EVL: variants seen among roughly 807,000 people sequenced by gnomAD.
EVL encodes the protein Enah/Vasp-like.
EVL carries 21 observed loss-of-function variants against 59.6 expected under a neutral mutation model. The observed-to-expected ratio is 0.35, with a 90% CI of 0.25 to 0.51. The LOEUF (loss-of-function observed/expected upper bound fraction) is 0.51. EVL is among the 20% of genes least tolerant of loss of function. The pLI, the probability that EVL is intolerant of heterozygous loss-of-function variation, is 0.97. For synonymous variants in EVL, 198 were observed against 203.5 expected (o/e 0.97, Z 0.23); for missense variants, 462 against 546.6 (o/e 0.85, Z 1.54).
chr14:100,097,203 AAACCAGAGCCAGGG>A, intron 2 of EVL, among the ~76,000 whole-genome samples: 1 of 152,360 alleles, frequency 6.6e-6, no homozygotes, highest in East Asian at 1.9e-4. Flanking sequence ...AGGCAGGGCC[AAACCAGAGCCAGGG>A]AACCTGCCTC....
chr14:100,079,513 G>A (rs1332744185), intron 1 of EVL, among the ~76,000 whole-genome samples: 2 of 152,190 alleles, frequency 1.3e-5, no homozygotes, highest in East Asian at 1.9e-4. Context: ...ACTGAAAAGC[G>A]CTCTGGCAGA....
intron 1 of EVL, among the ~76,000 whole-genome samples, chr14:99,991,184 T>C (rs1045957488): frequency 5.9e-5 from 9 of 152,200 alleles, no homozygotes; most frequent in African/African-American, 1.7e-4. Context: ...ACTTAGTGAA[T>C]AGTAAATATA....
chr14:100,085,890 G>A (rs997566765), intron 2 of EVL, among the ~76,000 whole-genome samples: 1 of 152,210 alleles, frequency 6.6e-6, no homozygotes, highest in Non-Finnish European at 1.5e-5. Context: ...CACTTTGGGA[G>A]GCCAAGGCGG....
intron 1 of EVL, among the ~76,000 whole-genome samples, chr14:99,993,183 G>C (rs942785128): frequency 6.7e-6 from 1 of 150,158 alleles, no homozygotes; most frequent in South Asian, 2.1e-4. Flanking sequence ...TCAGCCTCCT[G>C]AGTAGCTGGG....
At chr14:100,057,909 C>G (rs1348678729) in intron 1 of EVL, among the ~76,000 whole-genome samples, 1 of 152,172 alleles carries the variant, frequency 6.6e-6, no homozygotes, top group Non-Finnish European at 1.5e-5. Context: ...TTTCTCTGTC[C>G]TCCTTTTCTC....
At chr14:100,126,398 G>A (rs868152242) in intron 4 of EVL, among the ~76,000 whole-genome samples, 14 of 152,210 alleles carry the variant, frequency 9.2e-5, no homozygotes, top group African/African-American at 3.4e-4. Flanking sequence ...CAAAAGCCAG[G>A]TGCGCCCATC....
intron 2 of EVL, among the ~76,000 whole-genome samples, chr14:100,094,512 C>T (rs549485821): frequency 4.6e-5 from 7 of 151,728 alleles, no homozygotes; most frequent in Non-Finnish European, 1.0e-4. Flanking sequence ...GAGGCCAAGG[C>T]GGGAGCATTA....
In EVL at chr14:100,127,871, T is replaced by G. The variant is rs1419491122; in HGVS notation, c.488-648T>G. ...CATCTGCGTTTACCTCTGCGATTCG[T>G]TGACTGTTCCTCATAGGCTGTGAGC... On this transcript the variant is annotated intron_variant, in intron 5 of 13. Transcript: ENST00000392920. The surrounding 1 kb of genome is among the most constrained non-coding windows in gnomAD (Gnocchi z 4.2). Among the ~76,000 whole-genome samples, 1 of 152,240 alleles carries G rather than the reference T, an allele frequency of 6.6e-6. No individual in the cohort carries two copies. The highest frequency in any genetic ancestry group is 2.4e-5 in the African/African-American group (1 of 41,458).
chr14:100,010,404 TTTTG>T (rs1355505881), intron 1 of EVL, among the ~76,000 whole-genome samples: 7 of 151,950 alleles, frequency 4.6e-5, no homozygotes, highest in Non-Finnish European at 7.4e-5. Flanking sequence ...TGTGGGTTGG[TTTTG>T]TTTGTTTGTT....
intron 1 of EVL, among the ~76,000 whole-genome samples, chr14:100,022,150 A>C (rs2061136039): frequency 6.6e-6 from 1 of 152,100 alleles, no homozygotes; most frequent in African/African-American, 2.4e-5. Flanking sequence ...ATGAATATAA[A>C]GGGGGAAGCA....
chr14:100,091,529 G>A (rs1278814831), intron 2 of EVL, among the ~76,000 whole-genome samples: 1 of 152,208 alleles, frequency 6.6e-6, no homozygotes, highest in Non-Finnish European at 1.5e-5. Flanking sequence ...CTGACCTGGT[G>A]GAGGTTCCTG....
intron 1 of EVL, among the ~76,000 whole-genome samples, chr14:100,021,637 G>T (rs542320650): frequency 6.6e-6 from 1 of 152,292 alleles, no homozygotes; most frequent in South Asian, 2.1e-4. Flanking sequence ...AACTCAGATT[G>T]CTGGACCCCA....
At chr14:100,132,324 G>A (rs980114589) in intron 7 of EVL, among the ~76,000 whole-genome samples, 1 of 151,526 alleles carries the variant, frequency 6.6e-6, no homozygotes, top group Non-Finnish European at 1.5e-5. Flanking sequence ...CCAGTGTCCC[G>A]ACCTGTGGGA....
Position 99,986,290 on chromosome 14 carries a change from C to CAAAAAA in EVL, c.5+14250_5+14255dup, listed in dbSNP as rs3072366. Among the ~76,000 whole-genome samples the CAAAAAA allele has an allele frequency of 1.2e-3, 98 of 78,440 alleles. 1 individual carries two copies. The highest frequency in any genetic ancestry group is 3.5e-3 in the African/African-American group (75 of 21,306). 51.5% of individuals were successfully genotyped at this position (78,440 alleles called of 152,430 possible). A position where few individuals can be genotyped will look rare whatever the true frequency, so the allele number is the denominator to read the frequency against. On this transcript the variant is annotated intron_variant, in intron 1 of 13. Transcript: ENST00000402714. The stretch of plus-strand genomic sequence containing the variant: ...CTGGGTGACAGAGTGGACTCTGTCT[C>CAAAAAA]AAAAAAAAAAAAAAAAAAAAAATCA...
chr14:100,046,093 G>A lies in EVL; in HGVS notation c.6-38594G>A, dbSNP rs1011418512. The stretch of plus-strand genomic sequence containing the variant: ...TTGTAGGATTCCTTTCTCTGTAAAG[G>A]CCTCTGAGATAGCCAAATGATAAGA... On this transcript the variant is annotated intron_variant, in intron 1 of 13. Coordinates refer to the EVL transcript ENST00000402714. Among the ~76,000 whole-genome samples the A allele has an allele frequency of 3.3e-5, 5 of 152,232 alleles. No individual in the cohort carries two copies. The South Asian group carries it at 1.0e-3, about 32-fold the overall frequency.
At chr14:100,098,862 G>C (rs954825237) in intron 3 of EVL, among the ~76,000 whole-genome samples, 3 of 152,176 alleles carry the variant, frequency 2.0e-5, no homozygotes, top group African/African-American at 7.2e-5. Flanking sequence ...GGGATATAGA[G>C]TTGTTTTTAC....
intron 1 of EVL, among the ~76,000 whole-genome samples, chr14:99,998,164 T>A (rs955026825): frequency 6.6e-6 from 1 of 151,974 alleles, no homozygotes; most frequent in African/African-American, 2.4e-5. Context: ...GGAACACAGA[T>A]CTGCGCCACT....
At chr14:100,133,544 C>G (rs780683721) in intron 8 of EVL, among the ~76,000 whole-genome samples, 12 of 152,238 alleles carry the variant, frequency 7.9e-5, no homozygotes, top group Non-Finnish European at 1.5e-4. Flanking sequence ...CCCAGCTGAT[C>G]CACGCCTCTC....
chr14:100,075,134 C>T (rs542142005), intron 1 of EVL, among the ~76,000 whole-genome samples: 66 of 152,324 alleles, frequency 4.3e-4, no homozygotes, highest in African/African-American at 1.5e-3. Context: ...GAAGATGTCA[C>T]CTATGTTACC....
Sources: allele counts gnomAD v4.1 joint callset (sites outside exome capture counted in the v4.1 genomes callset), GRCh38; gene constraint gnomAD v4.1.1; non-coding constraint Gnocchi (gnomAD v3.1); transcripts MANE v1.5; gene names NCBI Gene and HGNC (gene_info 2026-07-23, HGNC 2026-07-21).